Variants in ATP6V1C1 observed in about 807,000 individuals in gnomAD.
ATP6V1C1 encodes the protein V-type proton ATPase subunit C 1.
Under a neutral mutation model 53.9 loss-of-function variants are expected in ATP6V1C1, and 45 were observed. The observed-to-expected ratio is 0.83, with a 90% CI of 0.66 to 1.07. The LOEUF is 1.07. Among genes scored for constraint, ATP6V1C1 ranks in the 50% least tolerant of loss-of-function variants. The pLI is 0.00. For synonymous variants in ATP6V1C1, 153 were observed against 155.2 expected, an observed-to-expected ratio of 0.99 and a Z score of 0.11; for missense variants, 315 against 440.3, an observed-to-expected ratio of 0.72 and a Z score of 2.55.
chr8:103,037,048 G>T (rs1282611177), intron 1 of ATP6V1C1, among the ~76,000 whole-genome samples: 7 of 144,570 alleles, frequency 4.8e-5, no homozygotes, highest in Non-Finnish European at 1.1e-4. Context: ...GTTAAAGTTC[G>T]AGACAGTTTG....
In ATP6V1C1 at chr8:103,071,102, A is replaced by G. The variant is rs1586333209; in HGVS notation, c.*2355A>G. On this transcript the variant is annotated 3_prime_UTR_variant, in exon 13 of 13. Transcript: ENST00000518738. ...TTAGAAGGAAGTCATTGTGTCTAACATAACAACAGAGCAGTTTGTGTCACT... is the reference window on the plus strand; with the variant it reads ...TTAGAAGGAAGTCATTGTGTCTAACGTAACAACAGAGCAGTTTGTGTCACT... 6.6e-6 allele frequency: 1 copy of G among 152,240 alleles called. No homozygotes were observed. The highest frequency in any genetic ancestry group is 1.5e-5 in the Non-Finnish European group (1 of 68,062). 9.4% of individuals were successfully genotyped at this position (152,240 alleles called of 1,614,324 possible). A position where few individuals can be genotyped will look rare whatever the true frequency, so the allele number is the denominator to read the frequency against.
chr8:103,042,369 G>C lies in ATP6V1C1; in HGVS notation c.162G>C (p.Leu54Phe). Residue 54 changes from leucine (L) to phenylalanine (F), a missense_variant, in exon 3 of 13, where the codon TTG (leucine) becomes TTC (phenylalanine). Leu to Phe is a conservative substitution (Grantham distance 22). Coordinates refer to ENST00000518738, the MANE Select transcript of ATP6V1C1 (RefSeq NM_001695.5). ...GCACGTTGGATGTCTTGGTTGGCTT[G>C]TCAGATGAACTGGCTAAACTGGATG... ...KVGTLDVLVG[L>F]SDELAKLDAF... 1.2e-6 allele frequency: 2 copies of C among 1,613,650 alleles called. No individual in the cohort carries two copies. The highest frequency in any genetic ancestry group is 1.7e-6 in the Non-Finnish European group (2 of 1,179,908).
At chr8:103,056,054 G>A in intron 8 of ATP6V1C1, 118 bp downstream of exon 8, 1 of 910,100 alleles carries the variant, frequency 1.1e-6, no homozygotes, top group Admixed American at 2.3e-5. Flanking sequence ...TCATGAGTGA[G>A]TTCTATGAAC....
At chr8:103,064,317 T>G (rs1229361948) in intron 10 of ATP6V1C1, among the ~76,000 whole-genome samples, 1 of 152,224 alleles carries the variant, frequency 6.6e-6, no homozygotes, top group East Asian at 1.9e-4. Context: ...TACTAAGAAG[T>G]TGTTTGTAAG....
At chr8:103,033,520 C>CA in intron 1 of ATP6V1C1, among the ~76,000 whole-genome samples, 1 of 152,182 alleles carries the variant, frequency 6.6e-6, no homozygotes, top group Admixed American at 6.5e-5. Context: ...AAGTGGTGAG[C>CA]AAAAACTATC....
chr8:103,041,080 C>T, intron 2 of ATP6V1C1, 112 bp downstream of exon 2: 8 of 1,224,192 alleles, frequency 6.5e-6, no homozygotes, highest in Non-Finnish European at 8.8e-6. Flanking sequence ...AACCTCCTCT[C>T]CAGCCATTGG....
At chr8:103,051,469 C>T (rs1398989009) in intron 5 of ATP6V1C1, among the ~76,000 whole-genome samples, 1 of 152,084 alleles carries the variant, frequency 6.6e-6, no homozygotes, top group Admixed American at 6.6e-5. Context: ...ATTAAGATTT[C>T]TTAGTCATTC....
intron 12 of ATP6V1C1, 39 bp downstream of exon 12, chr8:103,066,486 G>A: frequency 1.3e-6 from 2 of 1,490,308 alleles, no homozygotes; most frequent in Admixed American, 2.5e-5. Context: ...GAATTGAAGT[G>A]AATTTCAGAA....
intron 4 of ATP6V1C1, among the ~76,000 whole-genome samples, chr8:103,050,206 A>G (rs969196909): frequency 6.6e-6 from 1 of 152,226 alleles, no homozygotes; most frequent in Non-Finnish European, 1.5e-5. Flanking sequence ...TTGAGAAACA[A>G]CGAAGGTATG....
chr8:103,032,397 C>A (rs1816814442), intron 1 of ATP6V1C1, among the ~76,000 whole-genome samples: 1 of 152,178 alleles, frequency 6.6e-6, no homozygotes. Context: ...AGGCTGAATA[C>A]TTTGCTAATA....
intron 2 of ATP6V1C1, 68 bp from the exon 3 acceptor site, chr8:103,042,272 G>C: frequency 6.8e-7 from 1 of 1,468,572 alleles, no homozygotes; most frequent in Non-Finnish European, 9.5e-7. Context: ...TTTAGGTCAA[G>C]ATGAATCATC....
intron 8 of ATP6V1C1, among the ~76,000 whole-genome samples, chr8:103,059,377 G>C (rs912803919): frequency 6.6e-6 from 1 of 152,000 alleles, no homozygotes. Flanking sequence ...GTATTTCCTA[G>C]GTAACTGACA....
At chr8:103,065,556 G>A (rs1218224844) in intron 11 of ATP6V1C1, among the ~76,000 whole-genome samples, 1 of 151,080 alleles carries the variant, frequency 6.6e-6, no homozygotes, top group Admixed American at 6.6e-5. Context: ...GCAACAGAGC[G>A]AGACTCCGCC....
At chr8:103,050,215 T>C (rs1421506154) in intron 4 of ATP6V1C1, among the ~76,000 whole-genome samples, 1 of 152,242 alleles carries the variant, frequency 6.6e-6, no homozygotes, top group African/African-American at 2.4e-5. Context: ...AACGAAGGTA[T>C]GTTAGATATT....
intron 6 of ATP6V1C1, 119 bp downstream of exon 6, chr8:103,052,941 T>C (rs1006590326): frequency 1.7e-6 from 1 of 572,170 alleles, no homozygotes; most frequent in Non-Finnish European, 2.8e-6. Flanking sequence ...ATCAAAATGG[T>C]ATTTCTTTTA....
chr8:103,065,174 A>G (rs1252983211), intron 11 of ATP6V1C1, among the ~76,000 whole-genome samples: 1 of 152,228 alleles, frequency 6.6e-6, no homozygotes, highest in Non-Finnish European at 1.5e-5. Flanking sequence ...ATTTCATATT[A>G]ACCTAAAGTA....
Position 103,070,915 on chromosome 8 carries a change from G to A in ATP6V1C1, c.*2168G>A, listed in dbSNP as rs967551476. On this transcript the variant is annotated 3_prime_UTR_variant, in exon 13 of 13. Coordinates refer to ENST00000518738, the MANE Select transcript of ATP6V1C1 (RefSeq NM_001695.5). Reference sequence around the variant, plus strand: ...TTAGAGTGCCCACCGCATTAGGGATGTTGGGGTGAGTCAGTGTGACCCCAC... The same window carrying A: ...TTAGAGTGCCCACCGCATTAGGGATATTGGGGTGAGTCAGTGTGACCCCAC... The A allele has an allele frequency of 6.6e-6, 1 of 152,344 alleles. No individual in the cohort carries two copies. The highest frequency in any genetic ancestry group is 2.4e-5 in the African/African-American group (1 of 41,462). The allele number at this position is 152,344 out of a possible 1,614,324, so 9.4% of individuals were successfully genotyped here. A position where few individuals can be genotyped will look rare whatever the true frequency, so the allele number is the denominator to read the frequency against.
At position 103,069,221 on chromosome 8, in the gene ATP6V1C1, A is replaced by T. The variant is rs2131407825; in HGVS notation, c.*474A>T. ...AGGTATGGGATTTCTGAACGTTTCA[A>T]ATTTCAATCAATGAGCACTGTCAAC... On this transcript the variant is annotated 3_prime_UTR_variant, in exon 13 of 13. Coordinates refer to ENST00000518738, the MANE Select transcript of ATP6V1C1 (RefSeq NM_001695.5). 1 of 152,440 alleles carries T rather than the reference A, an allele frequency of 6.6e-6. No homozygotes were observed. The highest frequency in any genetic ancestry group is 2.1e-4 in the South Asian group (1 of 4,832). The allele number at this position is 152,440 out of a possible 1,614,324, so 9.4% of individuals were successfully genotyped here.
intron 12 of ATP6V1C1, among the ~76,000 whole-genome samples, chr8:103,067,617 T>TTTTTTC (rs1408507732): frequency 4.6e-4 from 67 of 144,378 alleles, no homozygotes; most frequent in Non-Finnish European, 5.8e-4. Flanking sequence ...TTTTTTTTTT[T>TTTTTTC]CGAGATGGAG....
Sources: allele counts gnomAD v4.1 joint callset (sites outside exome capture counted in the v4.1 genomes callset), GRCh38; gene constraint gnomAD v4.1.1; transcripts MANE v1.5; gene names NCBI Gene and HGNC (gene_info 2026-07-23, HGNC 2026-07-21).